NLGN4X: variants seen among roughly 807,000 people sequenced by gnomAD.
The protein encoded by NLGN4X is neuroligin-4, X-linked.
In NLGN4X, 3 loss-of-function variants were observed where a neutral mutation model predicts 40.3. The observed-to-expected ratio is 0.07, with a 90% confidence interval of 0.03 to 0.19. The LOEUF (loss-of-function observed/expected upper bound fraction) is 0.19. Ranked by LOEUF, NLGN4X falls within the 10% of genes least tolerant of loss-of-function variation. NLGN4X has a pLI of 1.00. For synonymous variants in NLGN4X, 270 were observed against 306.8 expected, an observed-to-expected ratio of 0.88 and a Z score of 1.25; for missense variants, 382 against 708.3, an observed-to-expected ratio of 0.54 and a Z score of 5.23.
chrX:6,185,739 AAC>A (rs1491175034), intron 1 of NLGN4X, among the ~76,000 whole-genome samples: 6 of 112,158 alleles, frequency 5.3e-5, no homozygotes, highest in African/African-American at 1.9e-4. Context: ...GTGTGAAAAA[AAC>A]AGTCAAGATG....
At chrX:6,199,614 T>C (rs1923418491) in intron 1 of NLGN4X, among the ~76,000 whole-genome samples, 1 of 111,613 alleles carries the variant, frequency 9.0e-6, no homozygotes, top group African/African-American at 3.3e-5. Flanking sequence ...TTTGTAGCTT[T>C]AGTGTTAGAA....
intron 2 of NLGN4X, among the ~76,000 whole-genome samples, chrX:6,076,455 T>C (rs1230273800): frequency 2.7e-5 from 3 of 112,152 alleles, no homozygotes; most frequent in Non-Finnish European, 5.6e-5. Context: ...ACAGCTTTTG[T>C]ATGACTCTGG....
intron 1 of NLGN4X, among the ~76,000 whole-genome samples, chrX:6,192,857 A>G (rs868163277): frequency 1.8e-5 from 2 of 111,698 alleles, no homozygotes; most frequent in South Asian, 7.5e-4. Context: ...TCTTGCATCT[A>G]AGCTCTGATC....
intron 3 of NLGN4X, among the ~76,000 whole-genome samples, chrX:5,957,647 T>C (rs1258644538): frequency 2.7e-5 from 3 of 111,832 alleles, no homozygotes. Context: ...CTTGCAAAGA[T>C]TGCAACATTT....
At chrX:6,072,078 T>A (rs2038077957) in intron 2 of NLGN4X, among the ~76,000 whole-genome samples, 1 of 111,016 alleles carries the variant, frequency 9.0e-6, no homozygotes, top group Admixed American at 9.6e-5. Flanking sequence ...GGCATGTATT[T>A]TCTGTCATTT....
chrX:5,929,550 T>C (rs771148047), intron 3 of NLGN4X, among the ~76,000 whole-genome samples: 3 of 112,086 alleles, frequency 2.7e-5, no homozygotes, highest in African/African-American at 9.7e-5. Flanking sequence ...ACCTACAATG[T>C]AGTGTGTGTA....
At chrX:6,206,093 T>C (rs1924010395) in intron 1 of NLGN4X, among the ~76,000 whole-genome samples, 1 of 97,331 alleles carries the variant, frequency 1.0e-5, no homozygotes, top group Non-Finnish European at 2.0e-5. Context: ...AACCCAACTG[T>C]TGATCTTCAG....
intron 3 of NLGN4X, among the ~76,000 whole-genome samples, chrX:5,955,747 C>T (rs2034469926): frequency 9.7e-6 from 1 of 102,886 alleles, no homozygotes; most frequent in Admixed American, 1.1e-4. Flanking sequence ...CCATAAAAAC[C>T]AGTATTAAAA....
intron 3 of NLGN4X, among the ~76,000 whole-genome samples, chrX:5,913,694 CAAT>C (rs2032627135): frequency 8.9e-6 from 1 of 112,037 alleles, no homozygotes; most frequent in Non-Finnish European, 1.9e-5. Context: ...GAAGGAACAA[CAAT>C]AACAAATATA....
chrX:6,202,170 G>A (rs1353212716), intron 1 of NLGN4X, among the ~76,000 whole-genome samples: 1 of 109,881 alleles, frequency 9.1e-6, no homozygotes, highest in African/African-American at 3.3e-5. Flanking sequence ...CCCTTCCAGT[G>A]GTCAGCTAGA....
intron 2 of NLGN4X, among the ~76,000 whole-genome samples, chrX:6,090,176 T>C (rs1421731780): frequency 8.9e-6 from 1 of 111,897 alleles, no homozygotes; most frequent in African/African-American, 3.2e-5. Context: ...TACTTCATAA[T>C]AATCTCAGGG....
intron 2 of NLGN4X, among the ~76,000 whole-genome samples, chrX:6,053,598 C>T (rs2037546803): frequency 9.0e-6 from 1 of 111,324 alleles, no homozygotes. Context: ...GCATTTCCAT[C>T]CAGAGAGATG....
intron 1 of NLGN4X, among the ~76,000 whole-genome samples, chrX:6,158,213 G>A (rs1053919975): frequency 9.0e-6 from 1 of 111,477 alleles, no homozygotes; most frequent in Non-Finnish European, 1.9e-5. Flanking sequence ...CTGATAACAT[G>A]GTATGTGCCA....
intron 3 of NLGN4X, among the ~76,000 whole-genome samples, chrX:5,953,891 G>T (rs1601943927): frequency 8.9e-6 from 1 of 111,861 alleles, no homozygotes; most frequent in African/African-American, 3.2e-5. Context: ...CTGCAGCCTT[G>T]AAGGCCTCTT....
chrX:6,099,122 A>ACAT (rs1400106275), intron 2 of NLGN4X, among the ~76,000 whole-genome samples: 1 of 112,216 alleles, frequency 8.9e-6, no homozygotes, highest in Non-Finnish European at 1.9e-5. Context: ...AAGAAATGCT[A>ACAT]CATCAGAGTA....
At position 5,987,583 on chromosome X, in the gene NLGN4X, A is replaced by C. The variant is rs1040217674; in HGVS notation, c.625+41697T>G. Among the ~76,000 whole-genome samples the C allele has an allele frequency of 6.2e-5, 7 of 112,408 alleles. No homozygotes were observed. The Admixed American group carries it at 6.6e-4, about 11-fold the overall frequency. On this transcript the variant is annotated intron_variant, in intron 3 of 5. Coordinates refer to ENST00000381095, the MANE Select transcript of NLGN4X (RefSeq NM_181332.3). ...TAATCAGTGTAAATCTAAGTTCAGC[A>C]TAAATGTTGACCAGTTAACCTCATG...
chrX:5,977,009 T>C (rs1415922659), intron 3 of NLGN4X, among the ~76,000 whole-genome samples: 1 of 112,329 alleles, frequency 8.9e-6, no homozygotes, highest in Non-Finnish European at 1.9e-5. Context: ...TTAAAACAGA[T>C]CTACCCTTTT....
intron 2 of NLGN4X, among the ~76,000 whole-genome samples, chrX:6,100,283 A>G (rs2038877200): frequency 8.9e-6 from 1 of 112,570 alleles, no homozygotes; most frequent in Non-Finnish European, 1.9e-5. Context: ...CATGGCCATC[A>G]TGAACATGTC....
At chrX:6,052,921 G>A (rs1046859923) in intron 2 of NLGN4X, among the ~76,000 whole-genome samples, 8 of 111,947 alleles carry the variant, frequency 7.1e-5, no homozygotes, top group African/African-American at 2.6e-4. Context: ...TTTTGAAAAC[G>A]TTTCTCTGGT....
Sources: allele counts gnomAD v4.1 joint callset (sites outside exome capture counted in the v4.1 genomes callset), GRCh38; gene constraint gnomAD v4.1.1; transcripts MANE v1.5; gene names NCBI Gene and HGNC (gene_info 2026-07-23, HGNC 2026-07-21).